SCRG1: variants seen among roughly 807,000 people sequenced by gnomAD.
SCRG1 encodes stimulator of chondrogenesis 1.
SCRG1 carries 3 observed loss-of-function variants against 7.7 expected under a neutral mutation model. The ratio of observed to expected loss-of-function variants is 0.39; its 90% CI spans 0.18 to 1.01. SCRG1 has a LOEUF of 1.01. Among genes scored for constraint, SCRG1 ranks in the 50% least tolerant of loss-of-function variants. SCRG1 has a pLI of 0.36. For missense variants in SCRG1, 110 were observed against 117.2 expected (o/e 0.94, Z 0.28); for synonymous variants, 46 against 41.2 (o/e 1.12, Z -0.44).
the SCRG1 span, among the ~76,000 whole-genome samples, chr4:173,456,706 G>T: frequency 6.6e-6 from 1 of 152,080 alleles, no homozygotes; most frequent in Admixed American, 6.6e-5. Flanking sequence ...GAACTACTGA[G>T]AATATGTACA....
the SCRG1 span, among the ~76,000 whole-genome samples, chr4:173,424,528 T>A: frequency 8.0e-3 from 1,218 of 152,326 alleles, 30 homozygotes; most frequent in African/African-American, 0.027. Flanking sequence ...CTGGCACAGA[T>A]CATTGCTCTA....
At position 173,388,061 on chromosome 4, in the gene SCRG1, C is replaced by T. The variant is rs1739291878; in HGVS notation, c.*280G>A. The stretch of plus-strand genomic sequence containing the variant: ...TTGAGCCATGCCTATGGCTCTTCAT[C>T]TGGGGGACAGAACTCTTTAACTGAG... On this transcript the variant is annotated 3_prime_UTR_variant, in exon 3 of 3. Transcript: ENST00000296506. 3.2e-6 allele frequency: 1 copy of T among 312,534 alleles called. No homozygotes were observed. Among genetic ancestry groups the T allele is most frequent in the Non-Finnish European group, 5.8e-6 (1 of 173,146 alleles). 19.4% of individuals were successfully genotyped at this position (312,534 alleles called of 1,614,324 possible). A position where few individuals can be genotyped will look rare whatever the true frequency, so the allele number is the denominator to read the frequency against.
chr4:173,447,127 T>A, the SCRG1 span, among the ~76,000 whole-genome samples: 6 of 152,202 alleles, frequency 3.9e-5, no homozygotes, highest in Admixed American at 3.3e-4. Context: ...TTTCTCACAG[T>A]GCTGGAGGCT....
the SCRG1 span, among the ~76,000 whole-genome samples, chr4:173,414,351 C>T: frequency 6.6e-6 from 1 of 152,164 alleles, no homozygotes; most frequent in Admixed American, 6.5e-5. Context: ...TTCTGTAATG[C>T]ATTCTGGAGT....
the SCRG1 span, chr4:173,419,855 C>T: frequency 2.7e-5 from 34 of 1,252,280 alleles, no homozygotes; most frequent in South Asian, 3.6e-5. Flanking sequence ...GAGAAGCCTG[C>T]GGGCCAGCAG....
the SCRG1 span, among the ~76,000 whole-genome samples, chr4:173,483,094 A>C: frequency 8.8e-3 from 679 of 77,474 alleles, 5 homozygotes; most frequent in African/African-American, 0.026. Flanking sequence ...TATATAATTT[A>C]TCCTATATAT....
the SCRG1 span, chr4:173,420,212 T>A: frequency 1.8e-5 from 6 of 337,740 alleles, no homozygotes; most frequent in South Asian, 1.6e-4. Context: ...AAAAGGGCCC[T>A]TTTCTGTACT....
chr4:173,415,277 T>C, the SCRG1 span, among the ~76,000 whole-genome samples: 1 of 152,212 alleles, frequency 6.6e-6, no homozygotes, highest in Non-Finnish European at 1.5e-5. Context: ...TTAGGGGCTG[T>C]GGCTAATCTG....
chr4:173,500,341 G>A, the SCRG1 span, among the ~76,000 whole-genome samples: 5 of 152,148 alleles, frequency 3.3e-5, no homozygotes, highest in South Asian at 2.1e-4. Flanking sequence ...GGAGGCCTCC[G>A]GCGCTCCCCG....
the SCRG1 span, among the ~76,000 whole-genome samples, chr4:173,462,361 CTT>C: frequency 3.4e-5 from 2 of 58,406 alleles, no homozygotes; most frequent in Admixed American, 4.6e-4. Context: ...TGGCAGCAGA[CTT>C]TTCAGTGGAG....
At chr4:173,491,344 G>GAC in the SCRG1 span, among the ~76,000 whole-genome samples, 1 of 151,800 alleles carries the variant, frequency 6.6e-6, no homozygotes, top group African/African-American at 2.4e-5. Flanking sequence ...TGCTGACATG[G>GAC]TGGTAGAGGG....
In SCRG1 at chr4:173,386,784, C is replaced by T. The variant is rs981398605; in HGVS notation, c.*1557G>A. 2.6e-5 allele frequency: 4 copies of T among 152,190 alleles called. No individual in the cohort carries two copies. Among genetic ancestry groups the T allele is most frequent in the Non-Finnish European group, 5.9e-5 (4 of 68,036 alleles). 9.4% of individuals were successfully genotyped at this position (152,190 alleles called of 1,614,324 possible). Reference sequence around the variant, plus strand: ...CCCTATACTTCTCTGTAGCAGGCTTCACATTTATAAATAATTACTTGTTTA... The same window carrying T: ...CCCTATACTTCTCTGTAGCAGGCTTTACATTTATAAATAATTACTTGTTTA... On this transcript the variant is annotated 3_prime_UTR_variant, in exon 3 of 3. Coordinates refer to ENST00000296506, the MANE Select transcript of SCRG1 (RefSeq NM_007281.4).
the SCRG1 span, among the ~76,000 whole-genome samples, chr4:173,466,415 G>A: frequency 6.6e-6 from 1 of 152,126 alleles, no homozygotes; most frequent in Non-Finnish European, 1.5e-5. Flanking sequence ...TTTCATTACT[G>A]TTCACAACAC....
the SCRG1 span, among the ~76,000 whole-genome samples, chr4:173,443,815 G>T: frequency 6.6e-6 from 1 of 152,040 alleles, no homozygotes; most frequent in African/African-American, 2.4e-5. Flanking sequence ...ATAGGCTTGC[G>T]TCACTATACT....
chr4:173,462,133 A>AC, the SCRG1 span, among the ~76,000 whole-genome samples: 1 of 152,192 alleles, frequency 6.6e-6, no homozygotes, highest in African/African-American at 2.4e-5. Context: ...ATGAGGTAGA[A>AC]AGTTTATTCA....
At chr4:173,442,767 G>A in the SCRG1 span, among the ~76,000 whole-genome samples, 3,344 of 152,252 alleles carry the variant, frequency 0.022, 45 homozygotes, top group Middle Eastern at 0.095. Flanking sequence ...GAGGACGTGG[G>A]ACAAAGAGAA....
chr4:173,426,657 C>G, the SCRG1 span, among the ~76,000 whole-genome samples: 3 of 152,140 alleles, frequency 2.0e-5, no homozygotes, highest in Non-Finnish European at 4.4e-5. Context: ...CTTGTGGAGA[C>G]AAGTTCTCAC....
chr4:173,453,207 G>T, the SCRG1 span, among the ~76,000 whole-genome samples: 1 of 152,216 alleles, frequency 6.6e-6, no homozygotes, highest in African/African-American at 2.4e-5. Flanking sequence ...AGGCATACCT[G>T]CCCTTTTCTC....
chr4:173,473,006 C>T, the SCRG1 span, among the ~76,000 whole-genome samples: 3 of 152,192 alleles, frequency 2.0e-5, no homozygotes, highest in Non-Finnish European at 4.4e-5. Flanking sequence ...CATTTAAAGA[C>T]ATGCTTAGCC....
Sources: allele counts gnomAD v4.1 joint callset (sites outside exome capture counted in the v4.1 genomes callset), GRCh38; gene constraint gnomAD v4.1.1; transcripts MANE v1.5; gene names NCBI Gene and HGNC (gene_info 2026-07-23, HGNC 2026-07-21).